The following GPC6 variants were observed in gnomAD, a reference collection of about 807,000 sequenced individuals.
GPC6 encodes the protein glypican-6.
GPC6 carries 14 observed loss-of-function variants against 55.2 expected under a neutral mutation model. That is an observed-to-expected ratio of 0.25 (90% CI 0.17 to 0.40). The LOEUF (loss-of-function observed/expected upper bound fraction) is 0.40, where lower values mean the gene tolerates loss of function less well. Among genes scored for constraint, GPC6 ranks in the 10% least tolerant of loss-of-function variants. The pLI, the probability that GPC6 is intolerant of heterozygous loss-of-function variation, is 1.00. For synonymous variants in GPC6, 278 were observed against 259.6 expected (o/e 1.07, Z -0.68); for missense variants, 641 against 708.5 (o/e 0.90, Z 1.08).
At position 93,523,509 on chromosome 13, in the gene GPC6, TTGTG is replaced by T. The variant is rs146065094; in HGVS notation, c.161-21740_161-21737del. Among the ~76,000 whole-genome samples, 30 of 150,710 alleles carry T rather than the reference TTGTG, an allele frequency of 2.0e-4. No individual in the cohort carries two copies. The East Asian group carries it at 3.0e-3, about 15-fold the overall frequency. ...CATACATATATGTGTATATACATAT[TTGTG>T]TGTGTGTGTGTGTAAAATGTCATTG... On this transcript the variant is annotated intron_variant, in intron 1 of 8. Coordinates refer to ENST00000377047, the MANE Select transcript of GPC6 (RefSeq NM_005708.5).
At chr13:93,791,776 A>G (rs1385700650) in intron 2 of GPC6, among the ~76,000 whole-genome samples, 2 of 152,244 alleles carry the variant, frequency 1.3e-5, no homozygotes. Flanking sequence ...CTGGGGCATT[A>G]CGTTTGAAAA....
intron 4 of GPC6, among the ~76,000 whole-genome samples, chr13:94,284,123 CA>C (rs1209768950): frequency 2.0e-5 from 3 of 152,162 alleles, no homozygotes; most frequent in South Asian, 4.1e-4. Context: ...CAGGTGGGAA[CA>C]AAACCAGTCA....
At chr13:94,149,421 C>G (rs575791827) in intron 4 of GPC6, among the ~76,000 whole-genome samples, 4 of 152,254 alleles carry the variant, frequency 2.6e-5, no homozygotes, top group African/African-American at 9.6e-5. Flanking sequence ...AAAGCATTCT[C>G]TCAGTGTGAT....
At chr13:93,579,020 C>T (rs982141097) in intron 2 of GPC6, among the ~76,000 whole-genome samples, 1 of 151,950 alleles carries the variant, frequency 6.6e-6, no homozygotes, top group African/African-American at 2.4e-5. Flanking sequence ...ATTATATGTT[C>T]TCATTTATAT....
chr13:93,605,828 C>A (rs9589792), intron 2 of GPC6, among the ~76,000 whole-genome samples: 2 of 131,818 alleles, frequency 1.5e-5, no homozygotes, highest in African/African-American at 2.8e-5. Flanking sequence ...GGTGACAGAG[C>A]GAGACCGTCT....
intron 4 of GPC6, among the ~76,000 whole-genome samples, chr13:94,165,025 A>G (rs1888306015): frequency 6.6e-6 from 1 of 151,964 alleles, no homozygotes; most frequent in African/African-American, 2.4e-5. Flanking sequence ...CTACCATTCA[A>G]TCCAGCATCC....
intron 4 of GPC6, among the ~76,000 whole-genome samples, chr13:94,213,752 T>G (rs1890151192): frequency 6.6e-6 from 1 of 152,162 alleles, no homozygotes; most frequent in Admixed American, 6.5e-5. Flanking sequence ...ATGACATCAC[T>G]TCCACCACTT....
At chr13:93,615,962 G>A (rs1878699581) in intron 2 of GPC6, among the ~76,000 whole-genome samples, 1 of 152,086 alleles carries the variant, frequency 6.6e-6, no homozygotes, top group African/African-American at 2.4e-5. Context: ...CAAATTGGGA[G>A]GCAGTGAAAT....
At chr13:94,309,595 A>C (rs527585859) in intron 6 of GPC6, among the ~76,000 whole-genome samples, 1 of 151,850 alleles carries the variant, frequency 6.6e-6, no homozygotes, top group Non-Finnish European at 1.5e-5. Flanking sequence ...TTATATACAC[A>C]TAAGAAGCAG....
intron 2 of GPC6, among the ~76,000 whole-genome samples, chr13:93,675,450 A>G (rs916117207): frequency 6.6e-6 from 1 of 152,096 alleles, no homozygotes; most frequent in African/African-American, 2.4e-5. Flanking sequence ...TGTTCTGTTC[A>G]CCAGTATTCA....
At chr13:93,963,437 A>G (rs1268284882) in intron 3 of GPC6, among the ~76,000 whole-genome samples, 6 of 152,344 alleles carry the variant, frequency 3.9e-5, no homozygotes, top group South Asian at 4.2e-4. Context: ...CATCTTCCAC[A>G]TTTTCAAATG....
intron 4 of GPC6, among the ~76,000 whole-genome samples, chr13:94,262,651 C>T (rs1446629191): frequency 4.4e-5 from 6 of 136,592 alleles, no homozygotes; most frequent in South Asian, 2.3e-4. Flanking sequence ...CCAGCCTGGG[C>T]GACAGAGTGA....
intron 1 of GPC6, among the ~76,000 whole-genome samples, chr13:93,247,390 T>G (rs1489482750): frequency 6.6e-6 from 1 of 152,218 alleles, no homozygotes; most frequent in Admixed American, 6.5e-5. Flanking sequence ...CACTCCTATG[T>G]GGTGATCCAT....
In GPC6 at chr13:94,407,499, T is replaced by G. The variant is rs1330558983; in HGVS notation, c.*4282T>G. The G allele has an allele frequency of 6.6e-6, 1 of 152,116 alleles. No individual in the cohort carries two copies. The highest frequency in any genetic ancestry group is 1.5e-5 in the Non-Finnish European group (1 of 67,980). 9.4% of individuals were successfully genotyped at this position (152,116 alleles called of 1,614,324 possible). ...GAGACATTTTTAGAAGCTTCAATAT[T>G]AAAAAACAACAACAAACCTCGTATA... On this transcript the variant is annotated 3_prime_UTR_variant, in exon 9 of 9. Transcript: ENST00000377047.
chr13:93,529,823 G>C (rs1881796396), intron 1 of GPC6, among the ~76,000 whole-genome samples: 1 of 152,032 alleles, frequency 6.6e-6, no homozygotes, highest in Non-Finnish European at 1.5e-5. Flanking sequence ...CTGTCTCTGA[G>C]ATTCTTAAGC....
chr13:94,322,737 A>G (rs1185152457), intron 6 of GPC6, among the ~76,000 whole-genome samples: 1 of 152,156 alleles, frequency 6.6e-6, no homozygotes, highest in Non-Finnish European at 1.5e-5. Flanking sequence ...AATTGGCCAT[A>G]TTTGTGGCAG....
chr13:94,294,107 G>A (rs1214712646), intron 5 of GPC6, among the ~76,000 whole-genome samples: 1 of 152,102 alleles, frequency 6.6e-6, no homozygotes, highest in Non-Finnish European at 1.5e-5. Flanking sequence ...AATTCCCCAA[G>A]GGAAGGGAGA....
intron 2 of GPC6, among the ~76,000 whole-genome samples, chr13:93,816,639 A>G (rs116256096): frequency 0.013 from 1,893 of 150,728 alleles, 40 homozygotes; most frequent in African/African-American, 0.043. Flanking sequence ...TTTTTCAACT[A>G]TGAAAATAAT....
chr13:93,906,067 G>A (rs887097248), intron 3 of GPC6, among the ~76,000 whole-genome samples: 3 of 152,136 alleles, frequency 2.0e-5, no homozygotes, highest in Admixed American at 6.6e-5. Flanking sequence ...GGCAAAGGGG[G>A]AATGTATTAT....
Sources: allele counts gnomAD v4.1 joint callset (sites outside exome capture counted in the v4.1 genomes callset), GRCh38; gene constraint gnomAD v4.1.1; transcripts MANE v1.5; gene names NCBI Gene and HGNC (gene_info 2026-07-23, HGNC 2026-07-21).